The following TEK variants were observed in gnomAD, a reference collection of about 807,000 sequenced individuals.
TEK encodes the protein angiopoietin-1 receptor.
TEK carries 43 observed loss-of-function variants against 131.8 expected under a neutral mutation model. The observed-to-expected ratio is 0.33, with a 90% CI of 0.26 to 0.42. The LOEUF (loss-of-function observed/expected upper bound fraction) is 0.42, where lower values mean the gene tolerates loss of function less well. Among genes scored for constraint, TEK ranks in the 10% least tolerant of loss-of-function variants. The pLI is 1.00. For missense variants in TEK, 1,162 were observed against 1,384.4 expected, an observed-to-expected ratio of 0.84 and a Z score of 2.55; for synonymous variants, 580 against 491.6, an observed-to-expected ratio of 1.18 and a Z score of -2.38.
At position 27,183,453 on chromosome 9, in the gene TEK, C is replaced by A; in HGVS notation, c.1031-6C>A. 1 of 1,613,574 alleles carries A rather than the reference C, an allele frequency of 6.2e-7. No homozygotes were observed. Among genetic ancestry groups the A allele is most frequent in the East Asian group, 2.2e-5 (1 of 44,876 alleles). ...TAGATTTCACAGTGCTGTTTTCTTC[C>A]TTCAGGCATACAGAGGATGACCCCA... On this transcript the variant is annotated splice_polypyrimidine_tract_variant and splice_region_variant and intron_variant, in intron 7 of 22. Coordinates refer to ENST00000380036, the MANE Select transcript of TEK (RefSeq NM_000459.5).
intron 12 of TEK, among the ~76,000 whole-genome samples, chr9:27,201,980 C>T (rs944945577): frequency 1.4e-4 from 21 of 152,184 alleles, no homozygotes; most frequent in African/African-American, 5.1e-4. Flanking sequence ...ATGTAAGGTA[C>T]AGTTACTATT....
chr9:27,109,518 C>A lies in TEK; in HGVS notation c.-73C>A, dbSNP rs754678257. 4 of 1,530,348 alleles carry A rather than the reference C, an allele frequency of 2.6e-6. No homozygotes were observed. Among genetic ancestry groups the A allele is most frequent in the Non-Finnish European group, 3.6e-6 (4 of 1,103,906 alleles). 94.8% of individuals were successfully genotyped at this position (1,530,348 alleles called of 1,614,324 possible). ...ACGATGCTAATGGAAAGTCACAAACCGCTGGGTTTTTGAAAGGATCCTTGG... is the reference window on the plus strand; with the variant it reads ...ACGATGCTAATGGAAAGTCACAAACAGCTGGGTTTTTGAAAGGATCCTTGG... On this transcript the variant is annotated 5_prime_UTR_variant, in exon 1 of 23. Coordinates refer to ENST00000380036, the MANE Select transcript of TEK (RefSeq NM_000459.5).
intron 2 of TEK, among the ~76,000 whole-genome samples, chr9:27,158,804 C>G (rs1432003749): frequency 6.6e-6 from 1 of 151,962 alleles, no homozygotes; most frequent in East Asian, 1.9e-4. Flanking sequence ...GGATTACAGG[C>G]AAGCACCACC....
Position 27,228,389 on chromosome 9 carries a change from G to A in TEK, c.3300+84G>A. The A allele has an allele frequency of 8.2e-6, 9 of 1,091,802 alleles. No individual in the cohort carries two copies. The South Asian group carries it at 8.9e-5, about 11-fold the overall frequency. 67.6% of individuals were successfully genotyped at this position (1,091,802 alleles called of 1,614,324 possible). A position where few individuals can be genotyped will look rare whatever the true frequency, so the allele number is the denominator to read the frequency against. On this transcript the variant is annotated intron_variant, in intron 22 of 22. Transcript: ENST00000380036. ...GTTCATAAAAAACATTGAAATAATT[G>A]AAGAAGTTCTTCTTGGCATGGCCCT...
At chr9:27,196,292 A>G (rs3780315) in intron 11 of TEK, among the ~76,000 whole-genome samples, 48,232 of 152,062 alleles carry the variant, frequency 0.32, 7,826 homozygotes, top group Admixed American at 0.39. Context: ...TGGCTATATC[A>G]TAATTTATTA....
intron 2 of TEK, 84 bp downstream of exon 2, chr9:27,158,226 C>T: frequency 6.8e-7 from 1 of 1,481,436 alleles, no homozygotes; most frequent in Non-Finnish European, 9.4e-7. Context: ...CCCTCAGGGG[C>T]AGGGCATGCA....
chr9:27,182,929 A>G (rs1355742317), intron 7 of TEK, among the ~76,000 whole-genome samples: 1 of 152,102 alleles, frequency 6.6e-6, no homozygotes, highest in Non-Finnish European at 1.5e-5. Context: ...AACTTTATTC[A>G]CCTTTTCCTC....
At chr9:27,208,871 G>C (rs1378463835) in intron 15 of TEK, among the ~76,000 whole-genome samples, 1 of 151,842 alleles carries the variant, frequency 6.6e-6, no homozygotes, top group East Asian at 1.9e-4. Context: ...TTGGCTATTG[G>C]CATCTAGTTA....
intron 12 of TEK, among the ~76,000 whole-genome samples, chr9:27,202,303 A>G (rs1011684174): frequency 3.9e-5 from 6 of 152,204 alleles, no homozygotes; most frequent in African/African-American, 1.2e-4. Context: ...AGGACTGACC[A>G]CATGACACTA....
intron 1 of TEK, among the ~76,000 whole-genome samples, chr9:27,138,233 G>A (rs370730190): frequency 1.3e-5 from 2 of 152,216 alleles, no homozygotes; most frequent in African/African-American, 4.8e-5. Context: ...AAGGGGATCT[G>A]AGCGGGTTGC....
chr9:27,202,900 G>T lies in TEK; in HGVS notation c.1990G>T (p.Gly664Cys). The T allele has an allele frequency of 6.2e-7, 1 of 1,614,104 alleles. No individual in the cohort carries two copies. Among genetic ancestry groups the T allele is most frequent in the Non-Finnish European group, 8.5e-7 (1 of 1,179,982 alleles). Residue 664 changes from glycine to cysteine, a missense_variant, in exon 13 of 23, where the codon GGC becomes TGC. Transcript: ENST00000380036. ...SAVISWTILD[G>C]YSISSITIRY... ...TGTGATTTCTTGGACAATATTGGATGGCTATTCTATTTCTTCTATTACTAT... is the reference window on the plus strand; with the variant it reads ...TGTGATTTCTTGGACAATATTGGATTGCTATTCTATTTCTTCTATTACTAT...
intron 1 of TEK, among the ~76,000 whole-genome samples, chr9:27,146,980 C>T (rs1262787456): frequency 6.6e-6 from 1 of 152,098 alleles, no homozygotes; most frequent in Non-Finnish European, 1.5e-5. Flanking sequence ...CTGCCCGCCT[C>T]GGCCTCCCAA....
At chr9:27,116,595 A>G (rs1052250110) in intron 1 of TEK, among the ~76,000 whole-genome samples, 1 of 151,988 alleles carries the variant, frequency 6.6e-6, no homozygotes. Context: ...AAAGGAAGAT[A>G]TTTATCAAAA....
chr9:27,228,167 CAGTT>C (rs748852608), intron 21 of TEK, 35 bp from the exon 22 acceptor site: 16 of 1,541,526 alleles, frequency 1.0e-5, no homozygotes, highest in Non-Finnish European at 1.4e-5. Context: ...GACTGAAGCA[CAGTT>C]ATAGAATTAA....
intron 3 of TEK, among the ~76,000 whole-genome samples, chr9:27,168,810 T>C (rs977405067): frequency 2.6e-5 from 4 of 152,254 alleles, no homozygotes; most frequent in African/African-American, 9.6e-5. Flanking sequence ...GGAATTCATA[T>C]ATATGAATGT....
intron 1 of TEK, among the ~76,000 whole-genome samples, chr9:27,142,034 G>A (rs372888792): frequency 1.3e-5 from 2 of 152,190 alleles, no homozygotes; most frequent in East Asian, 3.8e-4. Flanking sequence ...TCCTTGGCAG[G>A]AGAAATAATG....
At chr9:27,168,882 T>C (rs906236515) in intron 3 of TEK, among the ~76,000 whole-genome samples, 7 of 152,238 alleles carry the variant, frequency 4.6e-5, no homozygotes, top group Admixed American at 2.0e-4. Context: ...TTCAGCCATA[T>C]AAAGTGTGAG....
chr9:27,228,335 T>C, intron 22 of TEK, 30 bp downstream of exon 22: 1 of 1,530,616 alleles, frequency 6.5e-7, no homozygotes, highest in Non-Finnish European at 9.0e-7. Context: ...AGGAGATCTT[T>C]AATTGGAATA....
intron 9 of TEK, among the ~76,000 whole-genome samples, chr9:27,187,544 C>T (rs1224900886): frequency 6.6e-6 from 1 of 152,116 alleles, no homozygotes; most frequent in Non-Finnish European, 1.5e-5. Context: ...CTGAAATTAA[C>T]TCAAATGTCC....
Sources: gnomAD v4.1 joint callset for allele counts (sites outside exome capture counted in the v4.1 genomes callset) on GRCh38, gnomAD v4.1.1 for gene constraint, MANE v1.5 for transcripts, NCBI Gene and HGNC (gene_info 2026-07-23, HGNC 2026-07-21) for gene names.